The following CA2 variants were observed in gnomAD, a reference collection of about 807,000 sequenced individuals.
The protein encoded by CA2 is carbonate dehydratase II.
CA2 carries 23 observed loss-of-function variants against 27.8 expected under a neutral mutation model. The ratio of observed to expected loss-of-function variants is 0.83; its 90% confidence interval spans 0.59 to 1.17. The LOEUF (loss-of-function observed/expected upper bound fraction) is 1.17, where lower values mean the gene tolerates loss of function less well. Ranked by LOEUF, CA2 falls within the 50% of genes most tolerant of loss-of-function variation. The pLI, the probability that CA2 is intolerant of heterozygous loss-of-function variation, is 0.00. For synonymous variants in CA2, 99 were observed against 114.9 expected (o/e 0.86, Z 0.88); for missense variants, 300 against 314.7 (o/e 0.95, Z 0.35).
chr8:85,471,955 T>G (rs1162761136), intron 2 of CA2, among the ~76,000 whole-genome samples: 1 of 152,202 alleles, frequency 6.6e-6, no homozygotes, highest in Non-Finnish European at 1.5e-5. Context: ...TCTTAGCAGA[T>G]CTTTAACATA....
intron 2 of CA2, among the ~76,000 whole-genome samples, chr8:85,472,738 C>A (rs913174210): frequency 1.3e-5 from 2 of 152,018 alleles, no homozygotes; most frequent in Non-Finnish European, 2.9e-5. Flanking sequence ...TGCCTGTAAT[C>A]CCGGCACTTT....
intron 2 of CA2, among the ~76,000 whole-genome samples, chr8:85,471,180 A>G (rs1482690124): frequency 6.6e-6 from 1 of 152,160 alleles, no homozygotes; most frequent in African/African-American, 2.4e-5. Flanking sequence ...GAAGGACTTC[A>G]TTGACTAAAC....
At position 85,465,404 on chromosome 8, in the gene CA2, C is replaced by T; in HGVS notation, c.167C>T (p.Ser56Phe). ...PLSVSYDQAT[S>F]LRILNNGHAF... ...TCTGTTTCCTATGATCAAGCAACTT[C>T]CCTGAGGATCCTCAACAATGGTCAT... is the stretch of plus-strand genomic sequence containing the variant. The change falls in exon 2 of 7, where the codon TCC becomes TTC. Residue 56 changes from serine (S) to phenylalanine (F), a missense_variant. Ser to Phe is a radical substitution (Grantham distance 155). Around this residue, in one of 3 missense-constraint regions of CA2, gnomAD observed 122 missense variants for 133.2 expected, o/e 0.92. Transcript: ENST00000285379. 6.2e-7 allele frequency: 1 copy of T among 1,614,200 alleles called. No homozygotes were observed. The highest frequency in any genetic ancestry group is 8.5e-7 in the Non-Finnish European group (1 of 1,180,022).
chr8:85,477,219 C>T lies in CA2; in HGVS notation c.607C>T (p.Leu203=). Residue 203 remains leucine, a synonymous_variant, in exon 6 of 7, where the codon CTG becomes TTG. Transcript: ENST00000285379. ...YPGSLTTPPL[L]ECVTWIVLKE... ...AGGCTCACTGACCACCCCTCCTCTTCTGGAATGTGTGACCTGGATTGTGCT... is the reference window on the plus strand; with the variant it reads ...AGGCTCACTGACCACCCCTCCTCTTTTGGAATGTGTGACCTGGATTGTGCT... 1 of 1,614,126 alleles carries T rather than the reference C, an allele frequency of 6.2e-7. No individual in the cohort carries two copies. The highest frequency in any genetic ancestry group is 8.5e-7 in the Non-Finnish European group (1 of 1,180,004).
Position 85,464,007 on chromosome 8 carries a change from A to G in CA2, c.-75A>G. On this transcript the variant is annotated 5_prime_UTR_variant, in exon 1 of 7. Transcript: ENST00000285379. ...GCTGGTGCCGGCGCGACCCGCGGAC[A>G]CACAGTGCAGGCGCCCAAGCCGCCG... 2.1e-6 allele frequency: 3 copies of G among 1,454,138 alleles called. No homozygotes were observed. The highest frequency in any genetic ancestry group is 2.8e-6 in the Non-Finnish European group (3 of 1,072,230). The allele number at this position is 1,454,138 out of a possible 1,614,324, so 90.1% of individuals were successfully genotyped here.
chr8:85,476,199 T>C (rs145721842), intron 5 of CA2, among the ~76,000 whole-genome samples: 1 of 152,316 alleles, frequency 6.6e-6, no homozygotes, highest in Non-Finnish European at 1.5e-5. Context: ...ATTTGTTAAG[T>C]ATGTACTATG....
At position 85,473,492 on chromosome 8, in the gene CA2, G is replaced by A. The variant is rs187527315; in HGVS notation, c.233-201G>A. 1.4e-4 allele frequency: 92 copies of A among 678,138 alleles called. No homozygotes were observed. The East Asian group carries it at 2.6e-3, about 19-fold the overall frequency. 42.0% of individuals were successfully genotyped at this position (678,138 alleles called of 1,614,324 possible). A position where few individuals can be genotyped will look rare whatever the true frequency, so the allele number is the denominator to read the frequency against. On this transcript the variant is annotated intron_variant, in intron 2 of 6. Coordinates refer to ENST00000285379, the MANE Select transcript of CA2 (RefSeq NM_000067.3). ...AGGTAAAGTGATTTTGTTCAGCACC[G>A]TAGACTAAACTTGACTCTGGATTGA...
At chr8:85,473,435 T>C in intron 2 of CA2, 1 of 587,706 alleles carries the variant, frequency 1.7e-6, no homozygotes, top group Non-Finnish European at 3.2e-6. Context: ...AAAACATCCA[T>C]TCTCCAGACA....
intron 2 of CA2, among the ~76,000 whole-genome samples, chr8:85,472,709 G>T (rs964144656): frequency 1.3e-5 from 2 of 152,000 alleles, no homozygotes; most frequent in African/African-American, 4.8e-5. Context: ...AAAAATTTTC[G>T]GCCGGGCACG....
At chr8:85,472,394 C>A (rs997095026) in intron 2 of CA2, among the ~76,000 whole-genome samples, 2 of 152,072 alleles carry the variant, frequency 1.3e-5, no homozygotes, top group Non-Finnish European at 2.9e-5. Context: ...CACAGAGTTT[C>A]TTGGTGGATG....
intron 1 of CA2, 36 bp from the exon 2 acceptor site, chr8:85,465,236 C>A: frequency 3.8e-6 from 6 of 1,564,502 alleles, no homozygotes; most frequent in Non-Finnish European, 5.3e-6. Flanking sequence ...GTACCTTTCC[C>A]CACAATGGGG....
At chr8:85,466,227 A>G (rs1409712002) in intron 2 of CA2, among the ~76,000 whole-genome samples, 1 of 150,928 alleles carries the variant, frequency 6.6e-6, no homozygotes, top group Non-Finnish European at 1.5e-5. Context: ...CCATTCACAC[A>G]TAGTAGCTGC....
intron 2 of CA2, among the ~76,000 whole-genome samples, chr8:85,466,450 G>C (rs1266387772): frequency 6.6e-6 from 1 of 152,020 alleles, no homozygotes; most frequent in African/African-American, 2.4e-5. Context: ...ATTTAGTCAG[G>C]TAGACTATTC....
intron 2 of CA2, 91 bp from the exon 3 acceptor site, chr8:85,473,600 CAT>C (rs1473274038): frequency 1.8e-5 from 13 of 718,820 alleles, no homozygotes; most frequent in Admixed American, 6.0e-5. Flanking sequence ...GCATGTGTTT[CAT>C]GTGTGTGTAT....
intron 1 of CA2, 26 bp from the exon 2 acceptor site, chr8:85,465,246 G>T: frequency 1.3e-6 from 2 of 1,590,970 alleles, no homozygotes; most frequent in Non-Finnish European, 8.6e-7. Context: ...CCACAATGGG[G>T]GATTCACATG....
intron 3 of CA2, 153 bp downstream of exon 3, chr8:85,473,964 A>G (rs924389215): frequency 3.0e-6 from 2 of 664,156 alleles, no homozygotes; most frequent in African/African-American, 3.6e-5. Flanking sequence ...ATAACCTTTA[A>G]TTGTGACATC....
rs1011760933 is a variant in CA2 at position 85,481,075 on chromosome 8, A to C, written c.*286A>C. 4 of 378,688 alleles carry C rather than the reference A, an allele frequency of 1.1e-5. No individual in the cohort carries two copies. The East Asian group carries it at 2.4e-4, about 23-fold the overall frequency. The allele number at this position is 378,688 out of a possible 1,614,324, so 23.5% of individuals were successfully genotyped here. On this transcript the variant is annotated 3_prime_UTR_variant, in exon 7 of 7. Transcript: ENST00000285379. ...AAAGTACCTTGACTTTGTTCACAGC[A>C]TGTAGGGTGATGAGCACTCACAATT...
chr8:85,467,554 T>A lies in CA2; in HGVS notation c.232+2085T>A, dbSNP rs544478406. On this transcript the variant is annotated intron_variant, in intron 2 of 6. Transcript: ENST00000285379. ...TAGATGTTGCACCTGCGATAAGATT[T>A]CTGAATAAACTTTTTCTTTAACAGC... Among the ~76,000 whole-genome samples, 7 of 152,392 alleles carry A rather than the reference T, an allele frequency of 4.6e-5. No homozygotes were observed. The East Asian group carries it at 1.3e-3, about 29-fold the overall frequency.
At chr8:85,479,250 G>A (rs1034860766) in intron 6 of CA2, among the ~76,000 whole-genome samples, 2 of 152,208 alleles carry the variant, frequency 1.3e-5, no homozygotes, top group African/African-American at 4.8e-5. Flanking sequence ...TTTAATTGGT[G>A]CAGTGAGTAG....
Sources: allele counts gnomAD v4.1 joint callset (sites outside exome capture counted in the v4.1 genomes callset), GRCh38; gene constraint gnomAD v4.1.1; regional missense constraint gnomAD v4.1.1; transcripts MANE v1.5; gene names NCBI Gene and HGNC (gene_info 2026-07-23, HGNC 2026-07-21).